The following CUX1 variants were observed in gnomAD, a reference collection of about 807,000 sequenced individuals.
CUX1 encodes protein CASP.
Under a neutral mutation model 158.8 loss-of-function variants are expected in CUX1, and 31 were observed. The ratio of observed to expected loss-of-function variants is 0.20; its 90% CI spans 0.15 to 0.26. The LOEUF (loss-of-function observed/expected upper bound fraction) is 0.26, where lower values mean the gene tolerates loss of function less well. CUX1 is among the 10% of genes least tolerant of loss of function. CUX1 has a pLI of 1.00. For synonymous variants in CUX1, 879 were observed against 862.1 expected, an observed-to-expected ratio of 1.02 and a Z score of -0.34; for missense variants, 1,589 against 2,014.6, an observed-to-expected ratio of 0.79 and a Z score of 4.04.
At chr7:102,121,591 C>G (rs1370116328) in intron 8 of CUX1, among the ~76,000 whole-genome samples, 2 of 152,150 alleles carry the variant, frequency 1.3e-5, no homozygotes, top group Admixed American at 1.3e-4. Flanking sequence ...AGTGATCTGC[C>G]CGCCTTGGCC....
intron 8 of CUX1, among the ~76,000 whole-genome samples, chr7:102,139,953 G>A (rs1445622358): frequency 6.6e-6 from 1 of 152,102 alleles, no homozygotes; most frequent in Non-Finnish European, 1.5e-5. Flanking sequence ...ACAGGTCTAA[G>A]CCACTCTGCT....
chr7:102,098,019 G>A (rs781846683), intron 5 of CUX1, among the ~76,000 whole-genome samples: 3 of 152,220 alleles, frequency 2.0e-5, no homozygotes, highest in Non-Finnish European at 4.4e-5. Context: ...TTGCCCAGCC[G>A]TCAACAAGAC....
intron 1 of CUX1, among the ~76,000 whole-genome samples, chr7:101,818,584 T>G (rs1024360789): frequency 6.6e-6 from 1 of 152,222 alleles, no homozygotes; most frequent in African/African-American, 2.4e-5. Flanking sequence ...TATGTGGATA[T>G]TAAGAAGAAA....
At chr7:102,122,472 G>A (rs576346533) in intron 8 of CUX1, among the ~76,000 whole-genome samples, 4 of 151,722 alleles carry the variant, frequency 2.6e-5, no homozygotes, top group African/African-American at 7.3e-5. Flanking sequence ...CTCTGTACAA[G>A]TATTTTGCTC....
At position 102,097,300 on chromosome 7, in the gene CUX1, T is replaced by C. The variant is rs372478457; in HGVS notation, c.269-64T>C. The C allele has an allele frequency of 1.6e-4, 249 of 1,545,202 alleles. No homozygotes were observed. The East Asian group carries it at 4.7e-3, about 29-fold the overall frequency. On this transcript the variant is annotated intron_variant, in intron 4 of 23. Coordinates refer to ENST00000292535, the MANE Select transcript of CUX1 (RefSeq NM_181552.4). ...CCAGGAGCCCCACTCTGAGCCTGTG[T>C]ACCGCCGTGGAGGGGGCCTGTTTGC...
At chr7:101,831,647 C>T (rs1158212587) in intron 1 of CUX1, among the ~76,000 whole-genome samples, 2 of 151,846 alleles carry the variant, frequency 1.3e-5, no homozygotes, top group Admixed American at 6.6e-5. Flanking sequence ...TAAGTGAGTG[C>T]CCAGTGGCCT....
In CUX1 at chr7:102,010,277, C is replaced by G. The variant is rs182208756; in HGVS notation, c.142-17821C>G. Among the ~76,000 whole-genome samples, 134 of 151,910 alleles carry G rather than the reference C, an allele frequency of 8.8e-4. 1 individual carries two copies. The highest frequency in any genetic ancestry group is 2.9e-3 in the African/African-American group (120 of 41,434). On this transcript the variant is annotated intron_variant, in intron 2 of 23. Transcript: ENST00000292535. ...AGGCATGGTGGTGAGTGCCTGTAGC[C>G]CCAGCTACTCAGGAGGCTGAAGCAG...
chr7:101,913,226 G>A (rs976177435), intron 1 of CUX1: 67 of 410,990 alleles, frequency 1.6e-4, no homozygotes, highest in African/African-American at 6.6e-4. Context: ...CTGGGGCGGC[G>A]GCAGCTCAGT....
chr7:102,114,467 G>C (rs1220001896), intron 7 of CUX1, among the ~76,000 whole-genome samples: 2 of 152,164 alleles, frequency 1.3e-5, no homozygotes, highest in Non-Finnish European at 2.9e-5. Flanking sequence ...AGTAGAGACA[G>C]AGTTTCGCCA....
Position 101,869,429 on chromosome 7 carries a change from G to A in CUX1, c.31-46686G>A, listed in dbSNP as rs529602662. On this transcript the variant is annotated intron_variant, in intron 1 of 23. Transcript: ENST00000292535. This position sits in a 1 kb window ranked among gnomAD's most constrained non-coding sequence, Gnocchi z 4.5. ...GAGGTTGAGGGGAAAGGTCGGAATT[G>A]GCCACAGGTCTCCTAATGCCTGGCA... Among the ~76,000 whole-genome samples, 11 of 152,338 alleles carry A rather than the reference G, an allele frequency of 7.2e-5. No homozygotes were observed. The South Asian group carries it at 2.3e-3, about 32-fold the overall frequency.
intron 8 of CUX1, among the ~76,000 whole-genome samples, chr7:102,116,457 GT>G (rs2131136013): frequency 1.3e-5 from 2 of 152,140 alleles, no homozygotes; most frequent in South Asian, 4.2e-4. Flanking sequence ...TAAGTAGGTT[GT>G]TTTTCTCAGT....
At chr7:101,878,071 C>T (rs918517145) in intron 1 of CUX1, among the ~76,000 whole-genome samples, 2 of 152,206 alleles carry the variant, frequency 1.3e-5, no homozygotes, top group African/African-American at 2.4e-5. Flanking sequence ...CCCTCCAGCA[C>T]TGGCTGCAGA....
chr7:101,856,182 C>CAAAAAAAAAAAAA (rs768518044), intron 1 of CUX1, among the ~76,000 whole-genome samples: 1 of 48,040 alleles, frequency 2.1e-5, no homozygotes, highest in African/African-American at 7.5e-5. Flanking sequence ...GACCCTGTCT[C>CAAAAAAAAAAAAA]AAAAAAAAAA....
chr7:101,816,899 C>G (rs1359487414), upstream of CUX1: 2 of 980,426 alleles, frequency 2.0e-6, no homozygotes, highest in Non-Finnish European at 2.4e-6. Flanking sequence ...TCCGGCACCC[C>G]GCGTGTGGCT....
chr7:102,247,263 A>G (rs1177025706), intron 23 of CUX1, among the ~76,000 whole-genome samples: 1 of 152,094 alleles, frequency 6.6e-6, no homozygotes, highest in African/African-American at 2.4e-5. Context: ...ATTCCACCCT[A>G]CCCTGGACCA....
At chr7:101,868,273 C>A (rs191716113) in intron 1 of CUX1, among the ~76,000 whole-genome samples, 91 of 152,314 alleles carry the variant, frequency 6.0e-4, no homozygotes, top group African/African-American at 2.1e-3. Flanking sequence ...AAACCTGTTG[C>A]ATCCATCCCC....
chr7:101,900,384 C>T (rs1439801947), intron 1 of CUX1, among the ~76,000 whole-genome samples: 1 of 152,240 alleles, frequency 6.6e-6, no homozygotes, highest in Non-Finnish European at 1.5e-5. Context: ...ATACGAGTGT[C>T]GTTCTGCGGG....
At position 102,253,669 on chromosome 7, in the gene CUX1, C is replaced by T. The variant is rs1013698137; in HGVS notation, c.*4627C>T. ...AGCAGAGAGATTTTGAACTGAGGGG[C>T]GACAGCCTTTGCCTTAAATGCAGTA... On this transcript the variant is annotated 3_prime_UTR_variant, in exon 24 of 24. Transcript: ENST00000292535. 1.0e-4 allele frequency: 98 copies of T among 984,368 alleles called. No individual in the cohort carries two copies. Among genetic ancestry groups the T allele is most frequent in the Admixed American group, 9.3e-4 (15 of 16,212 alleles). The allele number at this position is 984,368 out of a possible 1,614,324, so 61.0% of individuals were successfully genotyped here.
intron 1 of CUX1, among the ~76,000 whole-genome samples, chr7:101,828,716 A>C (rs1393175477): frequency 6.6e-6 from 1 of 151,952 alleles, no homozygotes; most frequent in Non-Finnish European, 1.5e-5. Context: ...GTGCCTCTTC[A>C]TTTAGTCTAA....
Sources: allele counts gnomAD v4.1 joint callset (sites outside exome capture counted in the v4.1 genomes callset), GRCh38; gene constraint gnomAD v4.1.1; non-coding constraint Gnocchi (gnomAD v3.1); transcripts MANE v1.5; gene names NCBI Gene and HGNC (gene_info 2026-07-23, HGNC 2026-07-21).